FANCI: variants seen among roughly 807,000 people sequenced by gnomAD.
FANCI encodes Fanconi anemia group I protein.
A neutral mutation model predicts 176.1 loss-of-function variants in FANCI; 156 were observed. The observed-to-expected ratio is 0.89, with a 90% CI of 0.78 to 1.01. The LOEUF is 1.01. Ranked by LOEUF, FANCI falls within the 50% of genes least tolerant of loss-of-function variation. The probability of loss-of-function intolerance (pLI) is 0.00; values close to 1 mark genes in which losing one functional copy is unlikely to be tolerated. For missense variants in FANCI, 1,678 were observed against 1,534.1 expected, an observed-to-expected ratio of 1.09 and a Z score of -1.57; for synonymous variants, 613 against 541.7, an observed-to-expected ratio of 1.13 and a Z score of -1.83.
chr15:89,296,256 A>C (rs10220824), intron 24 of FANCI, among the ~76,000 whole-genome samples: 57,828 of 137,572 alleles, frequency 0.42, 11,152 homozygotes, highest in South Asian at 0.44. Flanking sequence ...GAGCCACTGC[A>C]CCTGGCCCTT....
chr15:89,312,765 G>T (rs949636200), intron 34 of FANCI, 139 bp from the exon 35 acceptor site: 2 of 677,024 alleles, frequency 3.0e-6, no homozygotes, highest in African/African-American at 3.7e-5. Context: ...GTTACAGTGG[G>T]TCGACATCAC....
chr15:89,283,531 C>T (rs140380301), intron 17 of FANCI, among the ~76,000 whole-genome samples: 130 of 152,148 alleles, frequency 8.5e-4, no homozygotes, highest in Non-Finnish European at 1.6e-3. Context: ...GGCTAGTCCA[C>T]ATTGTGTTGT....
chr15:89,288,875 A>G (rs2053939089), intron 18 of FANCI, among the ~76,000 whole-genome samples: 1 of 151,932 alleles, frequency 6.6e-6, no homozygotes, highest in Non-Finnish European at 1.5e-5. Context: ...CCCTGGCTTC[A>G]AGCGATCCTC....
intron 2 of FANCI, among the ~76,000 whole-genome samples, chr15:89,255,177 AG>A (rs1368349006): frequency 3.3e-5 from 5 of 152,114 alleles, no homozygotes; most frequent in Admixed American, 1.3e-4. Context: ...AGTATTGATT[AG>A]TTGTTTTGCT....
chr15:89,296,414 CG>C (rs2054275097), intron 24 of FANCI, among the ~76,000 whole-genome samples: 1 of 111,960 alleles, frequency 8.9e-6, no homozygotes, highest in Non-Finnish European at 1.8e-5. Flanking sequence ...TTTGTTTTTT[CG>C]TTTTTTTTGT....
In FANCI at chr15:89,293,870, T is replaced by C. The variant is rs369352135; in HGVS notation, c.2329T>C (p.Cys777Arg). ...RFEDILSLFMCYKKLSDILNE... is the reference protein window; with the variant it reads ...RFEDILSLFMRYKKLSDILNE... ...TGAGGACATTCTGAGCTTATTTATG[T>C]GTTACAAAAAACTCTCTGACATTCT... Residue 777 changes from cysteine (C) to arginine (R), a missense_variant, in exon 23 of 38, where the codon TGT becomes CGT. Coordinates refer to ENST00000310775, the MANE Select transcript of FANCI (RefSeq NM_001113378.2). 30 of 1,614,052 alleles carry C rather than the reference T, an allele frequency of 1.9e-5. No individual in the cohort carries two copies. The highest frequency in any genetic ancestry group is 2.5e-5 in the Non-Finnish European group (29 of 1,180,030).
intron 2 of FANCI, among the ~76,000 whole-genome samples, chr15:89,255,550 T>C (rs1389409417): frequency 6.6e-6 from 1 of 152,210 alleles, no homozygotes; most frequent in Non-Finnish European, 1.5e-5. Context: ...TGCTTCCTGA[T>C]GTGATACTCC....
intron 24 of FANCI, among the ~76,000 whole-genome samples, chr15:89,297,922 A>T (rs745519145): frequency 1.3e-5 from 2 of 152,072 alleles, no homozygotes; most frequent in East Asian, 3.8e-4. Flanking sequence ...TGTTAGTCAC[A>T]TATAAAATGT....
chr15:89,262,036 G>T (rs1419649634), intron 6 of FANCI, among the ~76,000 whole-genome samples, 158 bp downstream of exon 6: 2 of 152,164 alleles, frequency 1.3e-5, no homozygotes, highest in East Asian at 3.8e-4. Context: ...GAATTAGTGA[G>T]AAAGAAATGA....
At chr15:89,268,363 AC>A in intron 9 of FANCI, 35 bp from the exon 10 acceptor site, 1 of 1,613,188 alleles carries the variant, frequency 6.2e-7, no homozygotes, top group South Asian at 1.1e-5. Flanking sequence ...GAGCCACTGC[AC>A]CTTATAGCTC....
At chr15:89,283,575 A>G (rs1043779408) in intron 17 of FANCI, among the ~76,000 whole-genome samples, 1 of 152,212 alleles carries the variant, frequency 6.6e-6, no homozygotes. Flanking sequence ...AGATTTTGAA[A>G]TAAAAGAATG....
At position 89,267,918 on chromosome 15, in the gene FANCI, C is replaced by A. The variant is rs553656025; in HGVS notation, c.756-481C>A. 2.0e-5 allele frequency among the ~76,000 whole-genome samples: 3 copies of A among 152,210 alleles called. No homozygotes were observed. In the East Asian group the frequency reaches 5.8e-4, roughly 29 times the overall value. On this transcript the variant is annotated intron_variant, in intron 9 of 37. Coordinates refer to ENST00000310775, the MANE Select transcript of FANCI (RefSeq NM_001113378.2). ...CACCAGCCTGAGTGACAGAGCGAGACCCTGTCTCAGATAAATAGATGGATA... is the reference window on the plus strand; with the variant it reads ...CACCAGCCTGAGTGACAGAGCGAGAACCTGTCTCAGATAAATAGATGGATA...
chr15:89,309,791 T>C (rs2054883644), intron 34 of FANCI, among the ~76,000 whole-genome samples: 2 of 152,232 alleles, frequency 1.3e-5, no homozygotes, highest in Admixed American at 1.3e-4. Context: ...TTCAAGAACA[T>C]TTTTAAAAAA....
chr15:89,285,915 C>T (rs1167119100), intron 18 of FANCI, among the ~76,000 whole-genome samples: 2 of 152,044 alleles, frequency 1.3e-5, no homozygotes, highest in Admixed American at 1.3e-4. Flanking sequence ...TCTCTTTTTA[C>T]AATTGTGTTA....
chr15:89,260,780 G>T lies in FANCI; in HGVS notation c.225G>T (p.Leu75Phe). The T allele has an allele frequency of 6.2e-7, 1 of 1,613,944 alleles. No homozygotes were observed. Residue 75 changes from leucine (L) to phenylalanine (F), a missense_variant, in exon 4 of 38, where the codon TTG becomes TTT. Leu to Phe is a conservative substitution (Grantham distance 22, BLOSUM62 0). Coordinates refer to ENST00000310775, the MANE Select transcript of FANCI (RefSeq NM_001113378.2). ...AGATATACACTTGTTGTATCCAGTT[G>T]GTGGAATCGGGGGATTTGCAGAAAG... Reference protein sequence around the residue: ...RRKIYTCCIQLVESGDLQKEI... With the variant: ...RRKIYTCCIQFVESGDLQKEI...
intron 10 of FANCI, among the ~76,000 whole-genome samples, chr15:89,269,137 G>T (rs1251241226): frequency 1.3e-5 from 2 of 152,164 alleles, no homozygotes; most frequent in Non-Finnish European, 2.9e-5. Context: ...CCTTCACCTA[G>T]ATTGACCAAT....
rs150689779 is a variant in FANCI, at chr15:89,313,116, C to T, written c.3720+144C>T. The T allele has an allele frequency of 2.9e-4, 237 of 817,622 alleles. 2 individuals carry two copies. In the African/African-American group the frequency reaches 3.5e-3, roughly 12 times the overall value. The allele number at this position is 817,622 out of a possible 1,614,324, so 50.6% of individuals were successfully genotyped here. A position where few individuals can be genotyped will look rare whatever the true frequency, so the allele number is the denominator to read the frequency against. ...AGAATAAATCATCTAAAAAGGCAAA[C>T]TAGATTAGTGGTAGCGTAGAGCTAG... On this transcript the variant is annotated intron_variant, in intron 35 of 37. Coordinates refer to ENST00000310775, the MANE Select transcript of FANCI (RefSeq NM_001113378.2).
chr15:89,280,042 G>A (rs779869111), intron 14 of FANCI, among the ~76,000 whole-genome samples: 1 of 151,972 alleles, frequency 6.6e-6, no homozygotes, highest in Non-Finnish European at 1.5e-5. Context: ...TGTTTTTTGA[G>A]ATGGAGTCTC....
chr15:89,309,479 G>A (rs190958877), intron 34 of FANCI, among the ~76,000 whole-genome samples: 1 of 152,178 alleles, frequency 6.6e-6, no homozygotes, highest in Non-Finnish European at 1.5e-5. Flanking sequence ...GACCAGTCAT[G>A]GTGGTTAATG....
Sources: gnomAD v4.1 joint callset for allele counts (sites outside exome capture counted in the v4.1 genomes callset) on GRCh38, gnomAD v4.1.1 for gene constraint, MANE v1.5 for transcripts, NCBI Gene and HGNC (gene_info 2026-07-23, HGNC 2026-07-21) for gene names.